Variants in SMAD2 observed in about 807,000 individuals in gnomAD.
The protein encoded by SMAD2 is MAD homolog 2.
A neutral mutation model predicts 64.4 loss-of-function variants in SMAD2; 8 were observed. That is an observed-to-expected ratio of 0.12 (90% CI 0.07 to 0.22). SMAD2 has a LOEUF of 0.22. Among genes scored for constraint, SMAD2 ranks in the 10% least tolerant of loss-of-function variants. The pLI, the probability that SMAD2 is intolerant of heterozygous loss-of-function variation, is 1.00. For missense variants in SMAD2, 289 were observed against 561.2 expected (o/e 0.51, Z 4.90); for synonymous variants, 203 against 195.8 (o/e 1.04, Z -0.31).
rs1287489910 is a variant in SMAD2 at position 47,832,079 on chromosome 18, TAAG to T, written c.*9745_*9747del. 6.6e-6 allele frequency: 1 copy of T among 152,200 alleles called. No individual in the cohort carries two copies. The highest frequency in any genetic ancestry group is 1.5e-5 in the Non-Finnish European group (1 of 68,048). The allele number at this position is 152,200 out of a possible 1,614,324, so 9.4% of individuals were successfully genotyped here. A position where few individuals can be genotyped will look rare whatever the true frequency, so the allele number is the denominator to read the frequency against. On this transcript the variant is annotated 3_prime_UTR_variant, in exon 11 of 11. Transcript: ENST00000262160. ...TGATACTGATGCCTGCTTCCTGCAC[TAAG>T]AGGCTTTCAATCTATTTTGAAGAGG...
chr18:47,923,046 A>G (rs1398540579), intron 1 of SMAD2, among the ~76,000 whole-genome samples: 1 of 125,470 alleles, frequency 8.0e-6, no homozygotes, highest in African/African-American at 3.4e-5. Context: ...CTGTGTAAAG[A>G]GACTACTTAT....
At chr18:47,871,672 C>T (rs2031941011) in intron 2 of SMAD2, among the ~76,000 whole-genome samples, 1 of 151,918 alleles carries the variant, frequency 6.6e-6, no homozygotes, top group Admixed American at 6.6e-5. Context: ...GATTCTCTTG[C>T]TTTTTCAGGC....
At position 47,909,399 on chromosome 18, in the gene SMAD2, G is replaced by T. The variant is rs149779205; in HGVS notation, c.-53-12590C>A. 4.5e-3 allele frequency among the ~76,000 whole-genome samples: 680 copies of T among 152,298 alleles called. 5 individuals are homozygous for T. The highest frequency in any genetic ancestry group is 0.016 in the African/African-American group (650 of 41,576). On this transcript the variant is annotated intron_variant, in intron 1 of 10. Coordinates refer to ENST00000262160, the MANE Select transcript of SMAD2 (RefSeq NM_005901.6). ...AGGAAAGGAGCTTCTGTCAACCAAA[G>T]TAGATGAGTTAGTTCCTAGGCACCA...
At chr18:47,859,353 G>T (rs1189101065) in intron 6 of SMAD2, among the ~76,000 whole-genome samples, 7 of 152,016 alleles carry the variant, frequency 4.6e-5, no homozygotes, top group Non-Finnish European at 1.0e-4. Flanking sequence ...AATGACATTT[G>T]GAACACTATA....
At position 47,830,203 on chromosome 18, in the gene SMAD2, A is replaced by C. The variant is rs151161011; in HGVS notation, c.*11624T>G. ...TGGTTCTTGGGTAAAACAGACACTA[A>C]TAAGTTTTTTTTCAATATAAAAGAG... On this transcript the variant is annotated 3_prime_UTR_variant, in exon 11 of 11. Coordinates refer to ENST00000262160, the MANE Select transcript of SMAD2 (RefSeq NM_005901.6). 13 of 152,314 alleles carry C rather than the reference A, an allele frequency of 8.5e-5. No homozygotes were observed. Among genetic ancestry groups the C allele is most frequent in the African/African-American group, 2.9e-4 (12 of 41,562 alleles). 9.4% of individuals were successfully genotyped at this position (152,314 alleles called of 1,614,324 possible). A position where few individuals can be genotyped will look rare whatever the true frequency, so the allele number is the denominator to read the frequency against.
At chr18:47,868,905 C>G (rs2031757595) in intron 4 of SMAD2, among the ~76,000 whole-genome samples, 2 of 152,080 alleles carry the variant, frequency 1.3e-5, no homozygotes, top group African/African-American at 4.8e-5. Context: ...CATTAAAGTA[C>G]TTCTAAAAGC....
chr18:47,902,649 T>C (rs2033732246), intron 1 of SMAD2, among the ~76,000 whole-genome samples: 1 of 152,188 alleles, frequency 6.6e-6, no homozygotes, highest in African/African-American at 2.4e-5. Context: ...ATAGAAGGAA[T>C]TCCACTTCTG....
intron 1 of SMAD2, among the ~76,000 whole-genome samples, chr18:47,919,335 A>G (rs2034462321): frequency 6.6e-6 from 1 of 151,922 alleles, no homozygotes; most frequent in African/African-American, 2.4e-5. Flanking sequence ...TGTCTCATCA[A>G]AAGGAGATAC....
chr18:47,860,010 C>T (rs1299045292), intron 6 of SMAD2, among the ~76,000 whole-genome samples: 2 of 152,082 alleles, frequency 1.3e-5, no homozygotes, highest in Non-Finnish European at 2.9e-5. Context: ...TAGCATGTAC[C>T]TGTGGTCCCA....
rs1913522155 is a variant in SMAD2, at chr18:47,837,492, G to GC, written c.*4334dup. ...CAGAAGCATGGCGTGAACCCGGGAG[G>GC]CGGAGCTTGCAGTGAACCAAGATCG... On this transcript the variant is annotated 3_prime_UTR_variant, in exon 11 of 11. Transcript: ENST00000262160. 4.6e-6 allele frequency: 1 copy of GC among 219,606 alleles called. No individual in the cohort carries two copies. Among genetic ancestry groups the GC allele is most frequent in the East Asian group, 6.6e-5 (1 of 15,074 alleles). The allele number at this position is 219,606 out of a possible 1,614,324, so 13.6% of individuals were successfully genotyped here.
At chr18:47,910,014 G>A (rs1477448721) in intron 1 of SMAD2, among the ~76,000 whole-genome samples, 3 of 152,182 alleles carry the variant, frequency 2.0e-5, no homozygotes, top group East Asian at 1.9e-4. Context: ...GAAGGATTAC[G>A]CCATGGAAGA....
rs1469067946 is a variant in SMAD2 at position 47,820,238 on chromosome 18, T to G, written c.*21589A>C. ...TTATAAGGAAACATGTTTCTAAAAATTATAATATGGTTCTCATTTATAAAA... is the reference window on the plus strand; with the variant it reads ...TTATAAGGAAACATGTTTCTAAAAAGTATAATATGGTTCTCATTTATAAAA... On this transcript the variant is annotated 3_prime_UTR_variant, in exon 11 of 11. Coordinates refer to ENST00000262160, the MANE Select transcript of SMAD2 (RefSeq NM_005901.6). 2 of 152,168 alleles carry G rather than the reference T, an allele frequency of 1.3e-5. No individual in the cohort carries two copies. Among genetic ancestry groups the G allele is most frequent in the East Asian group, 1.9e-4 (1 of 5,196 alleles). 9.4% of individuals were successfully genotyped at this position (152,168 alleles called of 1,614,324 possible). A position where few individuals can be genotyped will look rare whatever the true frequency, so the allele number is the denominator to read the frequency against.
chr18:47,809,063 A>G lies in SMAD2; in HGVS notation c.*32764T>C, dbSNP rs984911383. 2.0e-5 allele frequency: 3 copies of G among 152,226 alleles called. No individual in the cohort carries two copies. The highest frequency in any genetic ancestry group is 7.2e-5 in the African/African-American group (3 of 41,456). 9.4% of individuals were successfully genotyped at this position (152,226 alleles called of 1,614,324 possible). ...CTACAGCGGACCTAGTGAAAAACCA[A>G]TGGTGCCTAAGGCGGTGCTGAAGGA... On this transcript the variant is annotated 3_prime_UTR_variant, in exon 11 of 11. Transcript: ENST00000262160.
chr18:47,868,200 T>C, intron 5 of SMAD2, 123 bp downstream of exon 5: 1 of 842,726 alleles, frequency 1.2e-6, no homozygotes, highest in East Asian at 2.5e-5. Flanking sequence ...ACGAATCCAA[T>C]TTTTCTATTA....
rs1466223370 is a variant in SMAD2 at position 47,817,974 on chromosome 18, C to T, written c.*23853G>A. The T allele has an allele frequency of 2.0e-5, 3 of 152,166 alleles. No homozygotes were observed. Among genetic ancestry groups the T allele is most frequent in the African/African-American group, 7.2e-5 (3 of 41,436 alleles). The allele number at this position is 152,166 out of a possible 1,614,324, so 9.4% of individuals were successfully genotyped here. A position where few individuals can be genotyped will look rare whatever the true frequency, so the allele number is the denominator to read the frequency against. On this transcript the variant is annotated 3_prime_UTR_variant, in exon 11 of 11. Transcript: ENST00000262160. Reference sequence around the variant, plus strand: ...GAAATTCTCAAACATTAAGGCATGCCTGCTTTTCTGGGACTTCAGGTCAGC... The same window carrying T: ...GAAATTCTCAAACATTAAGGCATGCTTGCTTTTCTGGGACTTCAGGTCAGC...
rs1423157432 is a variant in SMAD2 at position 47,825,106 on chromosome 18, G to C, written c.*16721C>G. On this transcript the variant is annotated 3_prime_UTR_variant, in exon 11 of 11. Transcript: ENST00000262160. ...ACAAAATATTTTTGTGTATTTACAG[G>C]AACGTGATAATCAAAAGTTGTTGTG... The C allele has an allele frequency of 6.6e-6, 1 of 152,208 alleles. No homozygotes were observed. The highest frequency in any genetic ancestry group is 1.5e-5 in the Non-Finnish European group (1 of 68,028). The allele number at this position is 152,208 out of a possible 1,614,324, so 9.4% of individuals were successfully genotyped here. A position where few individuals can be genotyped will look rare whatever the true frequency, so the allele number is the denominator to read the frequency against.
At chr18:47,910,969 A>G (rs893478198) in intron 1 of SMAD2, among the ~76,000 whole-genome samples, 4 of 152,202 alleles carry the variant, frequency 2.6e-5, no homozygotes, top group African/African-American at 2.4e-5. Flanking sequence ...TAAAAGCTCA[A>G]AAAAGGACTT....
intron 2 of SMAD2, among the ~76,000 whole-genome samples, chr18:47,881,442 A>G (rs1372167386): frequency 6.6e-6 from 1 of 152,230 alleles, no homozygotes; most frequent in Admixed American, 6.5e-5. Flanking sequence ...CACTGAATCT[A>G]TAAAGTGCAG....
chr18:47,830,371 G>C lies in SMAD2; in HGVS notation c.*11456C>G, dbSNP rs923021418. 1 of 152,024 alleles carries C rather than the reference G, an allele frequency of 6.6e-6. No individual in the cohort carries two copies. The highest frequency in any genetic ancestry group is 2.1e-4 in the South Asian group (1 of 4,818). 9.4% of individuals were successfully genotyped at this position (152,024 alleles called of 1,614,324 possible). On this transcript the variant is annotated 3_prime_UTR_variant, in exon 11 of 11. Transcript: ENST00000262160. ...GCAGGCAAATCATCTGAGGTCAGGA[G>C]TTCAAGACCAGCCTGGCAAACATGG...
Sources: allele counts gnomAD v4.1 joint callset (sites outside exome capture counted in the v4.1 genomes callset), GRCh38; gene constraint gnomAD v4.1.1; transcripts MANE v1.5; gene names NCBI Gene and HGNC (gene_info 2026-07-23, HGNC 2026-07-21).